DEK: variants seen among roughly 807,000 people sequenced by gnomAD.
The protein encoded by DEK is DEK proto-oncogene.
A neutral mutation model predicts 46.8 loss-of-function variants in DEK; 28 were observed. The observed-to-expected ratio is 0.60, with a 90% CI of 0.44 to 0.82. DEK has a LOEUF of 0.82. Ranked by LOEUF, DEK falls within the 40% of genes least tolerant of loss-of-function variation. The probability of loss-of-function intolerance (pLI) is 0.00; values close to 1 mark genes in which losing one functional copy is unlikely to be tolerated. For synonymous variants in DEK, 160 were observed against 144.5 expected (o/e 1.11, Z -0.77); for missense variants, 416 against 430.6 (o/e 0.97, Z 0.30).
chr6:18,264,521 A>C lies in DEK; in HGVS notation c.-146T>G, dbSNP rs1250068222. Reference sequence around the variant, plus strand: ...TCGCGCCGCGCGCTCGGCTCCCCAGAATCAACAAGATTTTCAAAATGGCGG... The same window carrying C: ...TCGCGCCGCGCGCTCGGCTCCCCAGCATCAACAAGATTTTCAAAATGGCGG... On this transcript the variant is annotated 5_prime_UTR_variant, in exon 1 of 11. The change creates a new upstream start codon in the 5' untranslated region. Coordinates refer to ENST00000652689, the MANE Select transcript of DEK (RefSeq NM_003472.4). 4.4e-6 allele frequency: 1 copy of C among 226,960 alleles called. No homozygotes were observed. Among genetic ancestry groups the C allele is most frequent in the Non-Finnish European group, 9.1e-6 (1 of 109,822 alleles). The allele number at this position is 226,960 out of a possible 1,614,324, so 14.1% of individuals were successfully genotyped here.
intron 7 of DEK, among the ~76,000 whole-genome samples, chr6:18,238,470 G>A (rs550851872): frequency 1.4e-4 from 21 of 151,898 alleles, no homozygotes; most frequent in Non-Finnish European, 2.5e-4. Flanking sequence ...AGGTCAAGGC[G>A]GGCGGATCAT....
intron 7 of DEK, among the ~76,000 whole-genome samples, chr6:18,246,616 A>G (rs552351065): frequency 6.6e-6 from 1 of 152,240 alleles, no homozygotes; most frequent in Admixed American, 6.5e-5. Context: ...ATTTACTTAT[A>G]AACACCTTAG....
At chr6:18,234,903 T>C (rs963670894) in intron 9 of DEK, among the ~76,000 whole-genome samples, 8 of 152,176 alleles carry the variant, frequency 5.3e-5, no homozygotes, top group African/African-American at 1.7e-4. Context: ...ACTCTTGCTT[T>C]TACCACCCTA....
At position 18,257,964 on chromosome 6, in the gene DEK, T is replaced by G; in HGVS notation, c.346A>C (p.Arg116=). 1 of 1,605,688 alleles carries G rather than the reference T, an allele frequency of 6.2e-7. No homozygotes were observed. The highest frequency in any genetic ancestry group is 8.5e-7 in the Non-Finnish European group (1 of 1,177,306). ...LRNLHKLLYN[R]PGTVSSLKKN... ...TAAAAAGGTCTTACAGTGCCTGGCC[T>G]GTTGTAAAGCAGTTTGTGTAGATTT... The change falls in exon 4 of 11, where the codon AGG becomes CGG. Residue 116 remains arginine, a synonymous_variant. Transcript: ENST00000652689.
intron 9 of DEK, among the ~76,000 whole-genome samples, chr6:18,233,140 C>T (rs1582258509): frequency 6.6e-6 from 1 of 152,166 alleles, no homozygotes; most frequent in East Asian, 1.9e-4. Flanking sequence ...GGAAAACTGG[C>T]TAGCCATATG....
At chr6:18,263,374 A>C (rs985289096) in intron 2 of DEK, among the ~76,000 whole-genome samples, 1 of 152,236 alleles carries the variant, frequency 6.6e-6, no homozygotes, top group African/African-American at 2.4e-5. Flanking sequence ...GAAAGTATTC[A>C]AATACTTCCG....
intron 7 of DEK, 120 bp from the exon 8 acceptor site, chr6:18,237,636 G>C: frequency 1.5e-6 from 2 of 1,312,134 alleles, no homozygotes; most frequent in South Asian, 3.3e-5. Context: ...TTTGGTATCA[G>C]CAATTAAAAA....
rs1418836733 is a variant in DEK, at chr6:18,224,351, CAT to C, written c.*1366_*1367del. 5.4e-6 allele frequency: 1 copy of C among 185,642 alleles called. No homozygotes were observed. The highest frequency in any genetic ancestry group is 1.1e-5 in the Non-Finnish European group (1 of 87,914). The allele number at this position is 185,642 out of a possible 1,614,324, so 11.5% of individuals were successfully genotyped here. A position where few individuals can be genotyped will look rare whatever the true frequency, so the allele number is the denominator to read the frequency against. On this transcript the variant is annotated 3_prime_UTR_variant, in exon 11 of 11. Coordinates refer to ENST00000652689, the MANE Select transcript of DEK (RefSeq NM_003472.4). ...TGTGAAAATACCTGTTAACATTCAACATATATTTTTATATATTTCTGTTCTAT... is the reference window on the plus strand; with the variant it reads ...TGTGAAAATACCTGTTAACATTCAACATATTTTTATATATTTCTGTTCTAT...
chr6:18,249,233 G>T (rs1004099086), intron 7 of DEK, among the ~76,000 whole-genome samples: 1 of 152,070 alleles, frequency 6.6e-6, no homozygotes, highest in Non-Finnish European at 1.5e-5. Flanking sequence ...TTGAGGGGGG[G>T]AAAAAGGCCC....
chr6:18,245,000 G>A (rs1455414060), intron 7 of DEK, among the ~76,000 whole-genome samples: 1 of 152,152 alleles, frequency 6.6e-6, no homozygotes, highest in East Asian at 1.9e-4. Context: ...ATTGTAAGAT[G>A]GCTCACTGAA....
At chr6:18,236,049 T>C (rs1790633741) in intron 9 of DEK, among the ~76,000 whole-genome samples, 1 of 152,202 alleles carries the variant, frequency 6.6e-6, no homozygotes, top group African/African-American at 2.4e-5. Flanking sequence ...TGCAGAAGTC[T>C]GAGTTAAGAA....
chr6:18,257,802 G>A, intron 4 of DEK, 151 bp downstream of exon 4: 2 of 454,174 alleles, frequency 4.4e-6, no homozygotes, highest in Non-Finnish European at 7.6e-6. Flanking sequence ...ATCCAGCTGT[G>A]TTTCCTGTGA....
In DEK at chr6:18,237,536, A is replaced by G. The variant is rs377688313; in HGVS notation, c.763-20T>C. The G allele has an allele frequency of 1.4e-5, 22 of 1,594,468 alleles. No homozygotes were observed. In the African/African-American group the frequency reaches 2.9e-4, roughly 21 times the overall value. Reference sequence around the variant, plus strand: ...TGGTGGCTGTTACAAAAGAAAGTAAAAGTACACATATTGATGAGATTCAAT... The same window carrying G: ...TGGTGGCTGTTACAAAAGAAAGTAAGAGTACACATATTGATGAGATTCAAT... On this transcript the variant is annotated intron_variant, in intron 7 of 10. Transcript: ENST00000652689.
At chr6:18,248,432 T>G (rs372504804) in intron 7 of DEK, among the ~76,000 whole-genome samples, 2 of 152,282 alleles carry the variant, frequency 1.3e-5, no homozygotes, top group South Asian at 2.1e-4. Context: ...TTTCCACTGT[T>G]ATATATATAC....
intron 9 of DEK, among the ~76,000 whole-genome samples, chr6:18,231,566 C>T (rs1042773439): frequency 6.6e-6 from 1 of 152,120 alleles, no homozygotes; most frequent in Non-Finnish European, 1.5e-5. Context: ...TACAAACTAC[C>T]ATCAGAGAAT....
At chr6:18,251,259 T>C (rs1262821561) in intron 6 of DEK, among the ~76,000 whole-genome samples, 1 of 152,200 alleles carries the variant, frequency 6.6e-6, no homozygotes, top group Non-Finnish European at 1.5e-5. Context: ...AAGGTAAAAT[T>C]CCATAACATA....
Position 18,249,792 on chromosome 6 carries a change from T to C in DEK, c.621A>G (p.Glu207=). 6.2e-7 allele frequency: 1 copy of C among 1,606,800 alleles called. No homozygotes were observed. Among genetic ancestry groups the C allele is most frequent in the South Asian group, 1.1e-5 (1 of 88,652 alleles). Residue 207 remains glutamate, a synonymous_variant, in exon 7 of 11, where the codon GAA becomes GAG. Coordinates refer to ENST00000652689, the MANE Select transcript of DEK (RefSeq NM_003472.4). ...KKTCSKGSKK[E]RNSSGMARKA... ...TCCTTGCCATTCCAGAACTGTTCCG[T>C]TCCTTTTTACTGCCTTTGCTACAAG... is the stretch of plus-strand genomic sequence containing the variant.
At chr6:18,263,774 T>C in intron 2 of DEK, 69 bp downstream of exon 2, 1 of 1,609,700 alleles carries the variant, frequency 6.2e-7, no homozygotes. Context: ...AGAAAACTGT[T>C]TCCTGGGTGA....
In DEK at chr6:18,249,694, T is replaced by C. The variant is rs1402456557; in HGVS notation, c.719A>G (p.Lys240Arg). 6.2e-7 allele frequency: 1 copy of C among 1,603,908 alleles called. No homozygotes were observed. Among genetic ancestry groups the C allele is most frequent in the East Asian group, 2.2e-5 (1 of 44,764 alleles). ...SSSDEDEKKN[K>R]EESSDDEDKE... ...ATCTTCATCATCTGAAGACTCTTCC[T>C]TGTTTTTCTTTTCATCTTCATCACT... Residue 240 changes from lysine (K) to arginine (R), a missense_variant, in exon 7 of 11, where the codon AAG (lysine) becomes AGG (arginine). Coordinates refer to ENST00000652689, the MANE Select transcript of DEK (RefSeq NM_003472.4).
Sources: allele counts gnomAD v4.1 joint callset (sites outside exome capture counted in the v4.1 genomes callset), GRCh38; gene constraint gnomAD v4.1.1; transcripts MANE v1.5; gene names NCBI Gene and HGNC (gene_info 2026-07-23, HGNC 2026-07-21).